The following KHDRBS2 variants were observed in gnomAD, a reference collection of about 807,000 sequenced individuals.
KHDRBS2 encodes KH domain-containing, RNA-binding, signal transduction-associated protein 2.
A neutral mutation model predicts 44.3 loss-of-function variants in KHDRBS2; 26 were observed. That is an observed-to-expected ratio of 0.59 (90% CI 0.43 to 0.81). The LOEUF (loss-of-function observed/expected upper bound fraction) is 0.81, where lower values mean the gene tolerates loss of function less well. Among genes scored for constraint, KHDRBS2 ranks in the 40% least tolerant of loss-of-function variants. The probability of loss-of-function intolerance (pLI) is 0.00; values close to 1 mark genes in which losing one functional copy is unlikely to be tolerated. For missense variants in KHDRBS2, 476 were observed against 433.1 expected, an observed-to-expected ratio of 1.10 and a Z score of -0.88; for synonymous variants, 194 against 151.1, an observed-to-expected ratio of 1.28 and a Z score of -2.08.
chr6:62,103,604 G>A (rs1306759319), intron 2 of KHDRBS2, among the ~76,000 whole-genome samples: 2 of 138,544 alleles, frequency 1.4e-5, no homozygotes. Context: ...GAACCAGGCA[G>A]AAGCAGCTGC....
chr6:62,245,235 T>A (rs557854171), intron 1 of KHDRBS2, among the ~76,000 whole-genome samples: 1 of 152,286 alleles, frequency 6.6e-6, no homozygotes, highest in Admixed American at 6.6e-5. Flanking sequence ...CTTTTCAACA[T>A]ATTTTTGGTT....
chr6:62,127,623 C>T (rs1303745933), intron 2 of KHDRBS2, among the ~76,000 whole-genome samples: 1 of 151,894 alleles, frequency 6.6e-6, no homozygotes, highest in African/African-American at 2.4e-5. Flanking sequence ...CTAATACTTT[C>T]TTATTTTCTG....
chr6:61,827,876 C>T (rs996038141), intron 6 of KHDRBS2, among the ~76,000 whole-genome samples: 3 of 152,136 alleles, frequency 2.0e-5, no homozygotes, highest in South Asian at 2.1e-4. Flanking sequence ...TTCCAAAGGC[C>T]TTATTCTCAA....
Position 61,744,218 on chromosome 6 carries a change from G to A in KHDRBS2, c.811-11454C>T, listed in dbSNP as rs185646160. Among the ~76,000 whole-genome samples, 200 of 152,212 alleles carry A rather than the reference G, an allele frequency of 1.3e-3. 5 individuals carry two copies. The highest frequency in any genetic ancestry group is 4.7e-4 in the Non-Finnish European group (32 of 68,000). On this transcript the variant is annotated intron_variant, in intron 6 of 8. Transcript: ENST00000281156. ...ACATAACTCTTGGGTCAAAAACAAG[G>A]ACTCTATTACACACCATAAATTAAA...
chr6:61,556,196 C>T, the KHDRBS2 span, among the ~76,000 whole-genome samples: 2 of 152,062 alleles, frequency 1.3e-5, no homozygotes, highest in Non-Finnish European at 2.9e-5. Context: ...TGGTGCTGGC[C>T]ACCTTTGTGT....
chr6:61,622,482 T>C, the KHDRBS2 span, among the ~76,000 whole-genome samples: 1 of 152,176 alleles, frequency 6.6e-6, no homozygotes, highest in African/African-American at 2.4e-5. Context: ...ATAAGATGGA[T>C]TTTATGATTG....
At chr6:61,613,678 C>A in the KHDRBS2 span, among the ~76,000 whole-genome samples, 1 of 152,098 alleles carries the variant, frequency 6.6e-6, no homozygotes, top group African/African-American at 2.4e-5. Context: ...TAAATGAAGA[C>A]ATTTCTTGAT....
the KHDRBS2 span, among the ~76,000 whole-genome samples, chr6:61,605,414 T>C: frequency 3.9e-5 from 6 of 152,212 alleles, no homozygotes; most frequent in Non-Finnish European, 1.5e-5. Flanking sequence ...CACTCTTAAC[T>C]CTTAAAGTAA....
intron 3 of KHDRBS2, among the ~76,000 whole-genome samples, chr6:62,030,399 A>T (rs1252441248): frequency 6.6e-6 from 1 of 152,046 alleles, no homozygotes; most frequent in East Asian, 1.9e-4. Flanking sequence ...TAGACATTTC[A>T]TGAATCAATT....
chr6:61,904,154 T>C (rs1485163141), intron 4 of KHDRBS2, among the ~76,000 whole-genome samples: 2 of 152,134 alleles, frequency 1.3e-5, no homozygotes, highest in Admixed American at 6.5e-5. Flanking sequence ...CTTGGGTCCA[T>C]GTGTGATCTG....
chr6:62,074,391 A>C (rs909889867), intron 2 of KHDRBS2, among the ~76,000 whole-genome samples: 4 of 151,812 alleles, frequency 2.6e-5, no homozygotes, highest in Non-Finnish European at 5.9e-5. Flanking sequence ...CAAATGTTAA[A>C]ATTTAAGATG....
the KHDRBS2 span, among the ~76,000 whole-genome samples, chr6:61,581,474 CA>C: frequency 2.7e-5 from 4 of 149,854 alleles, no homozygotes; most frequent in African/African-American, 9.8e-5. Flanking sequence ...ATAAAGCATC[CA>C]GGACAAGTAG....
chr6:61,683,999 T>G (rs1766570397), intron 8 of KHDRBS2, among the ~76,000 whole-genome samples: 1 of 151,980 alleles, frequency 6.6e-6, no homozygotes, highest in Non-Finnish European at 1.5e-5. Context: ...CTTCCATTGT[T>G]TACATGTTCT....
intron 7 of KHDRBS2, among the ~76,000 whole-genome samples, chr6:61,732,039 A>G (rs62426173): frequency 3.3e-5 from 5 of 152,092 alleles, no homozygotes; most frequent in Non-Finnish European, 7.4e-5. Flanking sequence ...AAAATGCTCT[A>G]TATCTTAATT....
chr6:61,852,017 T>C (rs1163558320), intron 6 of KHDRBS2, among the ~76,000 whole-genome samples: 2 of 149,958 alleles, frequency 1.3e-5, no homozygotes, highest in Non-Finnish European at 1.5e-5. Context: ...AGTTCAGGAG[T>C]TCAAGACCAG....
At chr6:61,868,694 T>C (rs1474221702) in intron 6 of KHDRBS2, among the ~76,000 whole-genome samples, 1 of 152,056 alleles carries the variant, frequency 6.6e-6, no homozygotes, top group Non-Finnish European at 1.5e-5. Flanking sequence ...CCTGTTTGGC[T>C]GAATCCTTCA....
chr6:61,607,541 A>AAAAAAT, the KHDRBS2 span, among the ~76,000 whole-genome samples: 1 of 148,122 alleles, frequency 6.8e-6, no homozygotes, highest in Non-Finnish European at 1.5e-5. Flanking sequence ...AAAAAAAAAA[A>AAAAAAT]AAAAGATGTG....
intron 1 of KHDRBS2, among the ~76,000 whole-genome samples, chr6:62,222,566 T>A (rs1334966299): frequency 1.3e-5 from 2 of 152,080 alleles, no homozygotes; most frequent in East Asian, 1.9e-4. Context: ...TCAAACAACA[T>A]GTGGGAATTA....
chr6:61,937,977 T>C (rs1454148375), intron 4 of KHDRBS2, among the ~76,000 whole-genome samples: 4 of 151,962 alleles, frequency 2.6e-5, no homozygotes, highest in African/African-American at 9.7e-5. Flanking sequence ...GTAATAGGAG[T>C]TGTTTCTTAG....
Sources: gnomAD v4.1 joint callset for allele counts (sites outside exome capture counted in the v4.1 genomes callset) on GRCh38, gnomAD v4.1.1 for gene constraint, MANE v1.5 for transcripts, NCBI Gene and HGNC (gene_info 2026-07-23, HGNC 2026-07-21) for gene names.